KAZN: variants seen among roughly 807,000 people sequenced by gnomAD.
KAZN encodes the protein kazrin.
Under a neutral mutation model 87.4 loss-of-function variants are expected in KAZN, and 40 were observed. The ratio of observed to expected loss-of-function variants is 0.46; its 90% confidence interval spans 0.36 to 0.60. KAZN has a LOEUF of 0.60. Among genes scored for constraint, KAZN ranks in the 20% least tolerant of loss-of-function variants. KAZN has a pLI of 0.00. For synonymous variants in KAZN, 466 were observed against 458.3 expected, an observed-to-expected ratio of 1.02 and a Z score of -0.22; for missense variants, 898 against 1,073.9, an observed-to-expected ratio of 0.84 and a Z score of 2.29.
intron 2 of KAZN, among the ~76,000 whole-genome samples, chr1:14,298,937 A>G (rs7527299): frequency 0.6 from 91,174 of 151,996 alleles, 27,982 homozygotes; most frequent in African/African-American, 0.73. Context: ...CAGGCGTGGT[A>G]GTCTGGCCTG....
At chr1:14,279,695 C>A (rs933671455) in intron 2 of KAZN, among the ~76,000 whole-genome samples, 6 of 152,190 alleles carry the variant, frequency 3.9e-5, no homozygotes, top group African/African-American at 1.2e-4. Flanking sequence ...ATGGCACATT[C>A]ATTCACTCAT....
At position 14,089,632 on chromosome 1, in the gene KAZN, G is replaced by A. The variant is rs147517577; in HGVS notation, c.92-90803G>A. 6.6e-3 allele frequency among the ~76,000 whole-genome samples: 997 copies of A among 152,206 alleles called. 10 individuals are homozygous for A. In the South Asian group the frequency reaches 0.066, roughly 10 times the overall value. ...CACTGCATGTGGTCTAAACTCCACA[G>A]TACGTTATAGTTATTCATTCTTTAC... On this transcript the variant is annotated intron_variant, in intron 1 of 16. Coordinates refer to the KAZN transcript ENST00000636203.
At chr1:13,983,218 G>A (rs1016945495) in intron 1 of KAZN, among the ~76,000 whole-genome samples, 1 of 152,238 alleles carries the variant, frequency 6.6e-6, no homozygotes, top group Non-Finnish European at 1.5e-5. Context: ...GCAAGGGGTG[G>A]CGCTCGTGGA....
In KAZN at chr1:14,678,074, A is replaced by C. The variant is rs1238610120; in HGVS notation, c.226+78851A>C. Among the ~76,000 whole-genome samples the C allele has an allele frequency of 1.6e-4, 25 of 152,148 alleles. 1 individual carries two copies. Among genetic ancestry groups the C allele is most frequent in the Admixed American group, 1.6e-3 (25 of 15,276 alleles). Reference sequence around the variant, plus strand: ...GGGCTCTGGCACCTCTGATGGTTAAATTAAGTGTCGACTGGATTGGACTGA... The same window carrying C: ...GGGCTCTGGCACCTCTGATGGTTAACTTAAGTGTCGACTGGATTGGACTGA... On this transcript the variant is annotated intron_variant, in intron 1 of 14. Transcript: ENST00000376030.
At chr1:14,520,693 G>A (rs1207001836) in intron 2 of KAZN, among the ~76,000 whole-genome samples, 3 of 152,168 alleles carry the variant, frequency 2.0e-5, no homozygotes, top group Admixed American at 2.0e-4. Flanking sequence ...AATTTCCCTG[G>A]TATCTGTTTG....
chr1:13,903,399 T>A (rs981314910), intron 1 of KAZN, among the ~76,000 whole-genome samples: 2 of 152,210 alleles, frequency 1.3e-5, no homozygotes, highest in Admixed American at 6.5e-5. Context: ...ATATCAAGCA[T>A]CCTCTTTAGT....
intron 1 of KAZN, among the ~76,000 whole-genome samples, chr1:14,136,634 A>G (rs539632043): frequency 1.9e-5 from 2 of 103,446 alleles, no homozygotes; most frequent in South Asian, 6.1e-4. Context: ...TACCCTGGAA[A>G]GAAGAGTGGG....
chr1:14,547,179 T>C (rs1673205682), intron 2 of KAZN, among the ~76,000 whole-genome samples: 1 of 152,220 alleles, frequency 6.6e-6, no homozygotes, highest in Admixed American at 6.5e-5. Context: ...AAGGGAAGAA[T>C]AGAATGACAT....
rs185966972 is a variant in KAZN, at chr1:14,728,667, C to A, written c.226+129444C>A. Among the ~76,000 whole-genome samples, 1,113 of 152,260 alleles carry A rather than the reference C, an allele frequency of 7.3e-3. 7 individuals are homozygous for A. Among genetic ancestry groups the A allele is most frequent in the Non-Finnish European group, 0.012 (810 of 68,032 alleles). On this transcript the variant is annotated intron_variant, in intron 1 of 14. Transcript: ENST00000376030. ...TCCCGTATTGGAGGCTTTTTCCTGGCAGGAGCATTGCTTTTGCAGAGGCCT... is the reference window on the plus strand; with the variant it reads ...TCCCGTATTGGAGGCTTTTTCCTGGAAGGAGCATTGCTTTTGCAGAGGCCT...
At chr1:14,661,401 A>G (rs1175083604) in intron 1 of KAZN, among the ~76,000 whole-genome samples, 1 of 152,082 alleles carries the variant, frequency 6.6e-6, no homozygotes, top group African/African-American at 2.4e-5. Flanking sequence ...AGAGCTTGGC[A>G]AACTTTCTCC....
At chr1:14,287,999 C>G (rs1393516327) in intron 2 of KAZN, among the ~76,000 whole-genome samples, 1 of 152,014 alleles carries the variant, frequency 6.6e-6, no homozygotes, top group African/African-American at 2.4e-5. Context: ...TTGCATATGT[C>G]GAACCAGCCT....
At chr1:14,200,370 CT>C (rs369589006) in intron 2 of KAZN, among the ~76,000 whole-genome samples, 297 of 151,986 alleles carry the variant, frequency 2.0e-3, no homozygotes, top group African/African-American at 6.7e-3. Context: ...TTCATCCTTT[CT>C]TTTTTTTGAA....
chr1:14,127,716 C>T (rs1018824), intron 1 of KAZN, among the ~76,000 whole-genome samples: 89,780 of 151,972 alleles, frequency 0.59, 28,258 homozygotes, highest in African/African-American at 0.78. Flanking sequence ...AAGGCTGTTC[C>T]TTGTGTCTGT....
intron 1 of KAZN, among the ~76,000 whole-genome samples, chr1:13,927,613 C>G (rs950841149): frequency 6.6e-6 from 1 of 151,464 alleles, no homozygotes; most frequent in Non-Finnish European, 1.5e-5. Context: ...TTCAGTGGCT[C>G]TTGGTGGAGG....
At chr1:14,589,830 G>A (rs1431729181) in intron 2 of KAZN, among the ~76,000 whole-genome samples, 2 of 152,050 alleles carry the variant, frequency 1.3e-5, no homozygotes, top group East Asian at 1.9e-4. Flanking sequence ...AGTACTTTTC[G>A]TAAGAGAAGA....
intron 2 of KAZN, among the ~76,000 whole-genome samples, chr1:14,387,644 AC>A (rs1662046747): frequency 6.6e-6 from 1 of 152,018 alleles, no homozygotes; most frequent in African/African-American, 2.4e-5. Flanking sequence ...GGGGTCAGGG[AC>A]CCACTTGAGG....
chr1:14,600,660 C>T (rs1410025535), intron 1 of KAZN, among the ~76,000 whole-genome samples: 1 of 110,468 alleles, frequency 9.1e-6, no homozygotes, highest in African/African-American at 3.4e-5. Flanking sequence ...TCCACTGGAA[C>T]CTGTGCAAAA....
intron 1 of KAZN, among the ~76,000 whole-genome samples, chr1:14,108,188 C>T (rs1475757165): frequency 6.6e-6 from 1 of 152,042 alleles, no homozygotes; most frequent in Non-Finnish European, 1.5e-5. Context: ...CTACTGGTTA[C>T]ATCTTATTCA....
intron 2 of KAZN, among the ~76,000 whole-genome samples, chr1:14,536,636 C>A (rs1672518892): frequency 1.3e-5 from 2 of 152,182 alleles, no homozygotes; most frequent in Admixed American, 1.3e-4. Context: ...AATCCCAACA[C>A]TTTGGGAGGC....
Sources: gnomAD v4.1 joint callset for allele counts (sites outside exome capture counted in the v4.1 genomes callset) on GRCh38, gnomAD v4.1.1 for gene constraint, MANE v1.5 for transcripts, NCBI Gene and HGNC (gene_info 2026-07-23, HGNC 2026-07-21) for gene names.